Variants in CNTNAP3B observed in about 807,000 individuals in gnomAD.
The protein encoded by CNTNAP3B is contactin-associated protein-like 3B.
A neutral mutation model predicts 108.9 loss-of-function variants in CNTNAP3B; 25 were observed. That is an observed-to-expected ratio of 0.23 (90% CI 0.17 to 0.32). The LOEUF (loss-of-function observed/expected upper bound fraction) is 0.32. CNTNAP3B is among the 10% of genes least tolerant of loss of function. The probability of loss-of-function intolerance (pLI) is 1.00; values close to 1 mark genes in which losing one functional copy is unlikely to be tolerated. For synonymous variants in CNTNAP3B, 103 were observed against 473.4 expected (o/e 0.22, Z 10.16); for missense variants, 252 against 1,210.4 (o/e 0.21, Z 11.75).
intron 13 of CNTNAP3B, among the ~76,000 whole-genome samples, chr9:41,951,000 C>A (rs564036977): frequency 8.7e-6 from 1 of 115,024 alleles, no homozygotes; most frequent in Non-Finnish European, 1.9e-5. Context: ...GTGATCCGCC[C>A]GCCTCGGCCT....
At chr9:41,963,979 C>A (rs2118225955) in intron 11 of CNTNAP3B, among the ~76,000 whole-genome samples, 1 of 151,486 alleles carries the variant, frequency 6.6e-6, no homozygotes, top group African/African-American at 2.4e-5. Context: ...TCATCACCAC[C>A]ACCAAAGAAA....
chr9:41,961,014 A>G, intron 11 of CNTNAP3B, 122 bp from the exon 12 acceptor site: 2 of 1,497,254 alleles, frequency 1.3e-6, no homozygotes, highest in African/African-American at 1.4e-5. Context: ...TCATTTTTAT[A>G]GTGTATGAAA....
rs1394703456 is a variant in CNTNAP3B at position 42,098,959 on chromosome 9, G to T, written c.196+5670C>A. 1.5e-5 allele frequency among the ~76,000 whole-genome samples: 2 copies of T among 135,810 alleles called. 1 individual carries two copies. Among genetic ancestry groups the T allele is most frequent in the Non-Finnish European group, 3.1e-5 (2 of 63,968 alleles). The allele number at this position is 135,810 out of a possible 152,430, so 89.1% of individuals were successfully genotyped here. On this transcript the variant is annotated intron_variant, in intron 2 of 23. Coordinates refer to ENST00000377561, the MANE Select transcript of CNTNAP3B (RefSeq NM_001201380.3). ...GGCAAATGCTTACCTGCCCACATCCGAAGGGCTGGTGCACCCAGAGTCGTG... is the reference window on the plus strand; with the variant it reads ...GGCAAATGCTTACCTGCCCACATCCTAAGGGCTGGTGCACCCAGAGTCGTG...
At chr9:42,126,573 T>A (rs955841796) in intron 1 of CNTNAP3B, among the ~76,000 whole-genome samples, 11 of 137,560 alleles carry the variant, frequency 8.0e-5, no homozygotes, top group Non-Finnish European at 1.6e-4. Flanking sequence ...AGAGCTTTTT[T>A]TTTTTTGAGA....
At chr9:42,033,180 G>T (rs1826555092) in intron 3 of CNTNAP3B, among the ~76,000 whole-genome samples, 1 of 138,586 alleles carries the variant, frequency 7.2e-6, no homozygotes, top group South Asian at 2.3e-4. Context: ...CTTTACAAAA[G>T]AATCACTTTC....
intron 3 of CNTNAP3B, among the ~76,000 whole-genome samples, chr9:42,055,455 T>C (rs1178034118): frequency 6.9e-6 from 1 of 144,840 alleles, no homozygotes; most frequent in Non-Finnish European, 1.5e-5. Flanking sequence ...AAATGTACCA[T>C]GACCACTGAA....
At chr9:41,993,099 A>G (rs1825838052) in intron 7 of CNTNAP3B, 1 of 32,852 alleles carries the variant, frequency 3.0e-5, no homozygotes, top group South Asian at 9.6e-4. Flanking sequence ...CTGGAGCAGG[A>G]CAGCTCATCT....
At chr9:42,128,110 T>A (rs1210213842) in intron 1 of CNTNAP3B, among the ~76,000 whole-genome samples, 1 of 138,150 alleles carries the variant, frequency 7.2e-6, no homozygotes, top group Non-Finnish European at 1.5e-5. Flanking sequence ...GTTTCATTAA[T>A]CAAGAAAGAA....
chr9:41,932,808 G>A (rs1216111340), intron 14 of CNTNAP3B, among the ~76,000 whole-genome samples: 2 of 152,158 alleles, frequency 1.3e-5, no homozygotes, highest in Non-Finnish European at 2.9e-5. Flanking sequence ...GTGAGCCACC[G>A]CGCCCAGCCC....
intron 4 of CNTNAP3B, among the ~76,000 whole-genome samples, chr9:42,001,436 G>A (rs1656719189): frequency 7.4e-6 from 1 of 134,528 alleles, no homozygotes; most frequent in African/African-American, 3.0e-5. Flanking sequence ...GTTCTACCTA[G>A]CCATAATCAA....
intron 1 of CNTNAP3B, among the ~76,000 whole-genome samples, chr9:42,113,349 C>A (rs954367770): frequency 3.6e-5 from 5 of 138,292 alleles, no homozygotes. Context: ...AAATTTCTTG[C>A]TATGTAGTTA....
At chr9:42,075,870 T>TTATTAC (rs1827477468) in intron 3 of CNTNAP3B, among the ~76,000 whole-genome samples, 1 of 116,148 alleles carries the variant, frequency 8.6e-6, no homozygotes, top group Non-Finnish European at 1.8e-5. Context: ...ATTATTATTA[T>TTATTAC]TATTGAGACA....
At chr9:41,961,115 C>T (rs1201870483) in intron 11 of CNTNAP3B, among the ~76,000 whole-genome samples, 1 of 152,304 alleles carries the variant, frequency 6.6e-6, no homozygotes, top group Non-Finnish European at 1.5e-5. Context: ...AGTCAAAATA[C>T]ATTCAAATGT....
At chr9:41,918,861 G>A (rs1823588998) in intron 18 of CNTNAP3B, among the ~76,000 whole-genome samples, 1 of 144,056 alleles carries the variant, frequency 6.9e-6, no homozygotes, top group South Asian at 2.2e-4. Flanking sequence ...AGATCTTCAG[G>A]ACTAATAAAA....
intron 1 of CNTNAP3B, among the ~76,000 whole-genome samples, chr9:42,123,979 T>C (rs1462209363): frequency 2.4e-5 from 3 of 127,460 alleles, no homozygotes; most frequent in African/African-American, 9.7e-5. Flanking sequence ...TCTGTTTTTA[T>C]ACTCTCAAAA....
intron 14 of CNTNAP3B, among the ~76,000 whole-genome samples, chr9:41,931,141 A>T (rs1823966332): frequency 6.6e-6 from 1 of 152,294 alleles, no homozygotes; most frequent in Non-Finnish European, 1.5e-5. Flanking sequence ...ATATTTCATC[A>T]TTGCAACACT....
At chr9:41,943,345 A>ATTT (rs1165684239) in intron 13 of CNTNAP3B, among the ~76,000 whole-genome samples, 1,129 of 132,428 alleles carry the variant, frequency 8.5e-3, no homozygotes, top group Non-Finnish European at 0.013. Flanking sequence ...TTGGACAATA[A>ATTT]TTTTTTTTTT....
chr9:41,990,913 G>A (rs1291486844), intron 8 of CNTNAP3B, among the ~76,000 whole-genome samples: 1 of 139,638 alleles, frequency 7.2e-6, no homozygotes, highest in Non-Finnish European at 1.5e-5. Flanking sequence ...TGGGGAGTGG[G>A]GATGTGAGGG....
In CNTNAP3B at chr9:42,037,226, T is replaced by C. The variant is rs539401929; in HGVS notation, c.391-23701A>G. ...ACTTTGATGAGTTGAGAGAAGAAGG[T>C]TTCAGATGATCTGTGCACATGTACC... On this transcript the variant is annotated intron_variant, in intron 3 of 23. Coordinates refer to ENST00000377561, the MANE Select transcript of CNTNAP3B (RefSeq NM_001201380.3). 8.1e-4 allele frequency among the ~76,000 whole-genome samples: 117 copies of C among 144,512 alleles called. No individual in the cohort carries two copies. The South Asian group carries it at 0.025, about 31-fold the overall frequency. 94.8% of individuals were successfully genotyped at this position (144,512 alleles called of 152,430 possible).
Sources: gnomAD v4.1 joint callset for allele counts (sites outside exome capture counted in the v4.1 genomes callset) on GRCh38, gnomAD v4.1.1 for gene constraint, MANE v1.5 for transcripts, NCBI Gene and HGNC (gene_info 2026-07-23, HGNC 2026-07-21) for gene names.